FRAS1: variants seen among roughly 807,000 people sequenced by gnomAD.
FRAS1 encodes the protein Fraser extracellular matrix complex subunit 1.
FRAS1 carries 290 observed loss-of-function variants against 435.2 expected under a neutral mutation model. The observed-to-expected ratio is 0.67, with a 90% confidence interval of 0.61 to 0.73. The LOEUF is 0.73. Ranked by LOEUF, FRAS1 falls within the 30% of genes least tolerant of loss-of-function variation. The pLI is 0.00. For synonymous variants in FRAS1, 1,800 were observed against 1,851.0 expected (o/e 0.97, Z 0.71); for missense variants, 4,860 against 5,001.5 (o/e 0.97, Z 0.85).
At chr4:78,284,275 A>G (rs1007908247) in intron 12 of FRAS1, 130 bp from the exon 13 acceptor site, 11 of 379,886 alleles carry the variant, frequency 2.9e-5, no homozygotes, top group African/African-American at 2.9e-4. Flanking sequence ...GCTTTTTCCT[A>G]AGTCCCACAG....
chr4:78,101,546 C>T (rs1275864126), intron 2 of FRAS1, among the ~76,000 whole-genome samples: 1 of 152,002 alleles, frequency 6.6e-6, no homozygotes, highest in Non-Finnish European at 1.5e-5. Context: ...CATTTTTCAT[C>T]CAAAGCATTT....
intron 2 of FRAS1, among the ~76,000 whole-genome samples, chr4:78,185,187 C>G (rs1722220548): frequency 6.6e-6 from 1 of 152,162 alleles, no homozygotes; most frequent in African/African-American, 2.4e-5. Flanking sequence ...TTGCAAAGCT[C>G]CTGTTGTATC....
chr4:78,223,123 G>A (rs1019655717), intron 2 of FRAS1, among the ~76,000 whole-genome samples: 3 of 152,178 alleles, frequency 2.0e-5, no homozygotes, highest in African/African-American at 4.8e-5. Context: ...TGCTGACTGC[G>A]GGAGTGGATT....
chr4:78,454,810 A>G (rs1719137541), intron 47 of FRAS1, among the ~76,000 whole-genome samples: 1 of 151,988 alleles, frequency 6.6e-6, no homozygotes, highest in Admixed American at 6.5e-5. Context: ...GGGGCTCCAA[A>G]TTTGCTTTTT....
chr4:78,146,628 T>G (rs533146722), intron 2 of FRAS1, among the ~76,000 whole-genome samples: 1 of 152,272 alleles, frequency 6.6e-6, no homozygotes, highest in East Asian at 1.9e-4. Context: ...TACCTTCCCA[T>G]CCCTCACATT....
At chr4:78,160,494 C>G (rs1207181248) in intron 2 of FRAS1, among the ~76,000 whole-genome samples, 1 of 152,172 alleles carries the variant, frequency 6.6e-6, no homozygotes. Context: ...TAGTTTTGCT[C>G]ATTGGATGGG....
chr4:78,381,292 T>C (rs1030782439), intron 27 of FRAS1, among the ~76,000 whole-genome samples: 3 of 152,202 alleles, frequency 2.0e-5, no homozygotes, highest in Non-Finnish European at 2.9e-5. Context: ...TCTGCATTCA[T>C]TTTTACTATA....
intron 14 of FRAS1, among the ~76,000 whole-genome samples, chr4:78,293,825 C>T (rs1728017789): frequency 6.6e-6 from 1 of 152,160 alleles, no homozygotes; most frequent in African/African-American, 2.4e-5. Context: ...TTTGCTTTGG[C>T]AGGAAGCTGG....
chr4:78,400,081 A>C (rs1732821451), intron 29 of FRAS1, among the ~76,000 whole-genome samples: 1 of 152,194 alleles, frequency 6.6e-6, no homozygotes, highest in East Asian at 1.9e-4. Flanking sequence ...TATACAGTGC[A>C]TTGTCTCACA....
intron 2 of FRAS1, among the ~76,000 whole-genome samples, chr4:78,192,115 A>C (rs1024131055): frequency 9.8e-5 from 15 of 152,340 alleles, no homozygotes; most frequent in South Asian, 6.2e-4. Flanking sequence ...CCAGCCTTGC[A>C]TCCCAGGAAT....
intron 2 of FRAS1, among the ~76,000 whole-genome samples, chr4:78,078,138 T>C (rs1740741568): frequency 6.6e-6 from 1 of 152,224 alleles, no homozygotes; most frequent in Non-Finnish European, 1.5e-5. Context: ...TACACAGTTC[T>C]ATACTATTAT....
chr4:78,204,613 A>G (rs561519577), intron 2 of FRAS1, among the ~76,000 whole-genome samples: 1 of 152,316 alleles, frequency 6.6e-6, no homozygotes, highest in East Asian at 1.9e-4. Flanking sequence ...GATCATTATC[A>G]TGAAGCTTTA....
In FRAS1 at chr4:78,077,046, C is replaced by T. The variant is rs543461180; in HGVS notation, c.108+11030C>T. Among the ~76,000 whole-genome samples the T allele has an allele frequency of 1.4e-4, 21 of 152,310 alleles. 1 individual carries two copies. The highest frequency in any genetic ancestry group is 4.8e-4 in the African/African-American group (20 of 41,584). Reference sequence around the variant, plus strand: ...AAGGATGCTTACTCAGTAAGAGAGACTGTATCTTTAAAACTATGAACTTGG... The same window carrying T: ...AAGGATGCTTACTCAGTAAGAGAGATTGTATCTTTAAAACTATGAACTTGG... On this transcript the variant is annotated intron_variant, in intron 2 of 73. Coordinates refer to ENST00000512123, the MANE Select transcript of FRAS1 (RefSeq NM_025074.7).
At chr4:78,171,429 A>G (rs1721553483) in intron 2 of FRAS1, among the ~76,000 whole-genome samples, 1 of 152,114 alleles carries the variant, frequency 6.6e-6, no homozygotes, top group Non-Finnish European at 1.5e-5. Flanking sequence ...TAATGTTTTA[A>G]TGATTTTCTT....
intron 14 of FRAS1, among the ~76,000 whole-genome samples, chr4:78,301,257 A>T (rs1017503414): frequency 1.3e-5 from 2 of 152,198 alleles, no homozygotes; most frequent in Non-Finnish European, 2.9e-5. Flanking sequence ...AAGAATTAGG[A>T]TGTATTAACA....
At chr4:78,126,214 A>G (rs1317599533) in intron 2 of FRAS1, among the ~76,000 whole-genome samples, 1 of 152,080 alleles carries the variant, frequency 6.6e-6, no homozygotes, top group Non-Finnish European at 1.5e-5. Flanking sequence ...AGCCAGGCAC[A>G]GGAGGGGATC....
In FRAS1 at chr4:78,539,437, T is replaced by C. The variant is rs761072359; in HGVS notation, c.11442T>C (p.Tyr3814=). ...TTACTCTAAAAGTAGATGCACTCTA[T>C]AAGGTGAGTTTGGTGAGAAGAACAG... ...DGFTLKVDAL[Y]KVEAGHQWYL... The change falls in exon 73 of 74, where the codon TAT becomes TAC. Residue 3814 remains tyrosine, a synonymous_variant. Coordinates refer to ENST00000512123, the MANE Select transcript of FRAS1 (RefSeq NM_025074.7). 4 of 1,602,946 alleles carry C rather than the reference T, an allele frequency of 2.5e-6. No individual in the cohort carries two copies. In the African/African-American group the frequency reaches 4.1e-5, roughly 16 times the overall value.
intron 40 of FRAS1, among the ~76,000 whole-genome samples, chr4:78,440,495 G>A (rs1734618882): frequency 6.6e-6 from 1 of 152,130 alleles, no homozygotes; most frequent in African/African-American, 2.4e-5. Context: ...TGTTCAGGGT[G>A]AAATTGCTTG....
At chr4:78,327,872 T>A (rs1392060157) in intron 18 of FRAS1, among the ~76,000 whole-genome samples, 1 of 151,988 alleles carries the variant, frequency 6.6e-6, no homozygotes, top group African/African-American at 2.4e-5. Flanking sequence ...ATTTCATGAC[T>A]TTTTTTTAAA....
Sources: gnomAD v4.1 joint callset for allele counts (sites outside exome capture counted in the v4.1 genomes callset) on GRCh38, gnomAD v4.1.1 for gene constraint, MANE v1.5 for transcripts, NCBI Gene and HGNC (gene_info 2026-07-23, HGNC 2026-07-21) for gene names.